CCDC172: variants seen among roughly 807,000 people sequenced by gnomAD.
CCDC172 encodes the protein coiled-coil domain-containing protein 172.
CCDC172 carries 30 observed loss-of-function variants against 38.0 expected under a neutral mutation model. The observed-to-expected ratio is 0.79, with a 90% CI of 0.59 to 1.07. The LOEUF is 1.07. Ranked by LOEUF, CCDC172 falls within the 50% of genes least tolerant of loss-of-function variation. The probability of loss-of-function intolerance (pLI) is 0.00; values close to 1 mark genes in which losing one functional copy is unlikely to be tolerated. For synonymous variants in CCDC172, 78 were observed against 88.3 expected, an observed-to-expected ratio of 0.88 and a Z score of 0.66; for missense variants, 297 against 290.1, an observed-to-expected ratio of 1.02 and a Z score of -0.17.
At chr10:116,347,775 C>T (rs1844885079) in intron 5 of CCDC172, among the ~76,000 whole-genome samples, 1 of 152,090 alleles carries the variant, frequency 6.6e-6, no homozygotes, top group Non-Finnish European at 1.5e-5. Flanking sequence ...ACAAAATTGT[C>T]ATTAGTTGAA....
chr10:116,337,760 T>C (rs1165218651), intron 3 of CCDC172, among the ~76,000 whole-genome samples: 1 of 152,194 alleles, frequency 6.6e-6, no homozygotes, highest in Non-Finnish European at 1.5e-5. Flanking sequence ...TCTTCCCAAC[T>C]CTGATCTCCA....
chr10:116,362,304 C>T (rs960980782), intron 7 of CCDC172, among the ~76,000 whole-genome samples: 11 of 152,194 alleles, frequency 7.2e-5, no homozygotes, highest in African/African-American at 2.4e-4. Flanking sequence ...CACTGGTCTG[C>T]AGTTTGCTTA....
At chr10:116,346,503 A>G (rs1337816006) in intron 5 of CCDC172, among the ~76,000 whole-genome samples, 1 of 152,092 alleles carries the variant, frequency 6.6e-6, no homozygotes, top group Non-Finnish European at 1.5e-5. Flanking sequence ...AAATGAATGA[A>G]CTGTGAAGGG....
rs74654779 is a variant in CCDC172 at position 116,340,434 on chromosome 10, C to T, written c.166-300C>T. Among the ~76,000 whole-genome samples, 494 of 151,724 alleles carry T rather than the reference C, an allele frequency of 3.3e-3. 1 individual carries two copies. Among genetic ancestry groups the T allele is most frequent in the African/African-American group, 0.012 (478 of 41,462 alleles). On this transcript the variant is annotated intron_variant, in intron 3 of 8. Transcript: ENST00000333254. ...GATTTCAATGTGTGTATTCAAAAAG[C>T]GTTAGTACCTAGCTAAGAATTCTTC...
At position 116,357,949 on chromosome 10, in the gene CCDC172, C is replaced by T; in HGVS notation, c.653+11C>T. The T allele has an allele frequency of 6.7e-7, 1 of 1,488,896 alleles. No homozygotes were observed. The highest frequency in any genetic ancestry group is 9.3e-7 in the Non-Finnish European group (1 of 1,079,154). The allele number at this position is 1,488,896 out of a possible 1,614,324, so 92.2% of individuals were successfully genotyped here. On this transcript the variant is annotated intron_variant, in intron 7 of 8. Coordinates refer to ENST00000333254, the MANE Select transcript of CCDC172 (RefSeq NM_198515.3). The stretch of plus-strand genomic sequence containing the variant: ...TACAGAATGCTTAAGGTAAGAGTTT[C>T]CTGTTATATTTTGGCCTAAATCAGG...
chr10:116,379,123 A>G (rs1465552221), intron 8 of CCDC172, among the ~76,000 whole-genome samples, 200 bp from the exon 9 acceptor site: 1 of 152,126 alleles, frequency 6.6e-6, no homozygotes, highest in African/African-American at 2.4e-5. Context: ...GATACATTGC[A>G]TGTTGTTACA....
chr10:116,378,588 A>C (rs1455825585), intron 8 of CCDC172, 78 bp downstream of exon 8: 1 of 1,096,946 alleles, frequency 9.1e-7, no homozygotes. Flanking sequence ...CTGGTGTACA[A>C]ATCACTGAAC....
Position 116,342,106 on chromosome 10 carries a change from A to T in CCDC172, c.353A>T (p.Asp118Val). ...AAGGAAATTACAGACTTTAATAATG[A>T]TTATGAAATAACAAAGAAAAGAGAG... is the stretch of plus-strand genomic sequence containing the variant. ...FIKEITDFNN[D>V]YEITKKRELL... Residue 118 changes from aspartate to valine, a missense_variant, in exon 5 of 9, where the codon GAT becomes GTT. Asp to Val is a radical substitution (Grantham distance 152). Coordinates refer to ENST00000333254, the MANE Select transcript of CCDC172 (RefSeq NM_198515.3). The T allele has an allele frequency of 6.4e-7, 1 of 1,551,042 alleles. No homozygotes were observed. Among genetic ancestry groups the T allele is most frequent in the Non-Finnish European group, 8.6e-7 (1 of 1,156,344 alleles).
rs114085931 is a variant in CCDC172, at chr10:116,367,379, A to T, written c.653+9441A>T. Among the ~76,000 whole-genome samples the T allele has an allele frequency of 8.3e-3, 1,268 of 152,252 alleles. 17 individuals carry two copies. Among genetic ancestry groups the T allele is most frequent in the African/African-American group, 0.029 (1,198 of 41,532 alleles). Reference sequence around the variant, plus strand: ...CACACTGTATCCCAAAAATATGTGCAACTATTATGTCATATTAACAAAATT... The same window carrying T: ...CACACTGTATCCCAAAAATATGTGCTACTATTATGTCATATTAACAAAATT... On this transcript the variant is annotated intron_variant, in intron 7 of 8. Coordinates refer to ENST00000333254, the MANE Select transcript of CCDC172 (RefSeq NM_198515.3).
At chr10:116,334,998 A>G (rs1844711404) in intron 3 of CCDC172, among the ~76,000 whole-genome samples, 1 of 151,900 alleles carries the variant, frequency 6.6e-6, no homozygotes, top group South Asian at 2.1e-4. Flanking sequence ...TTTTTATTAT[A>G]GATATTCTTT....
chr10:116,379,430 A>G lies in CCDC172; in HGVS notation c.*72A>G, dbSNP rs1053517168. The stretch of plus-strand genomic sequence containing the variant: ...AGAATCAAATCTTTGTGATAGATAT[A>G]TGAATGGTACCCGTTACAACGGATC... On this transcript the variant is annotated 3_prime_UTR_variant, in exon 9 of 9. Coordinates refer to ENST00000333254, the MANE Select transcript of CCDC172 (RefSeq NM_198515.3). 2 of 1,000,868 alleles carry G rather than the reference A, an allele frequency of 2.0e-6. No individual in the cohort carries two copies. The highest frequency in any genetic ancestry group is 4.6e-5 in the Admixed American group (2 of 43,934). The allele number at this position is 1,000,868 out of a possible 1,614,324, so 62.0% of individuals were successfully genotyped here.
intron 5 of CCDC172, among the ~76,000 whole-genome samples, chr10:116,352,433 C>T (rs1202771018): frequency 1.3e-5 from 2 of 151,944 alleles, no homozygotes; most frequent in Non-Finnish European, 2.9e-5. Context: ...ATAGATGATG[C>T]AATTAGAAGG....
At chr10:116,358,338 G>C (rs74970178) in intron 7 of CCDC172, among the ~76,000 whole-genome samples, 2,501 of 152,062 alleles carry the variant, frequency 0.016, 73 homozygotes, top group African/African-American at 0.058. Flanking sequence ...TTGTTACTCT[G>C]GTTTTGTTCT....
chr10:116,356,388 G>GGAAGGAAGGAAGGAAGGAAGGAAGGA (rs1844997277), intron 5 of CCDC172, among the ~76,000 whole-genome samples: 1 of 144,054 alleles, frequency 6.9e-6, no homozygotes, highest in African/African-American at 2.6e-5. Flanking sequence ...GGGAGGGAGG[G>GGAAGGAAGGAAGGAAGGAAGGAAGGA]AGGAAGGAAG....
intron 2 of CCDC172, 50 bp from the exon 3 acceptor site, chr10:116,325,252 AT>A (rs1380269249): frequency 3.8e-6 from 6 of 1,558,914 alleles, no homozygotes; most frequent in Non-Finnish European, 5.3e-6. Context: ...CGCCACCAAA[AT>A]GGGGACTTTA....
At chr10:116,342,262 T>C in intron 5 of CCDC172, 61 bp downstream of exon 5, 1 of 1,449,104 alleles carries the variant, frequency 6.9e-7, no homozygotes, top group Non-Finnish European at 9.1e-7. Flanking sequence ...TTTGAATGAA[T>C]GAATTTTCCA....
intron 8 of CCDC172, among the ~76,000 whole-genome samples, chr10:116,379,111 T>C (rs74423564): frequency 0.011 from 1,676 of 152,236 alleles, 10 homozygotes; most frequent in Non-Finnish European, 0.018. Context: ...TAGTTTTAAT[T>C]TGATACATTG....
At chr10:116,332,008 T>C (rs1844669218) in intron 3 of CCDC172, among the ~76,000 whole-genome samples, 1 of 152,196 alleles carries the variant, frequency 6.6e-6, no homozygotes, top group South Asian at 2.1e-4. Context: ...TTTTTATCCA[T>C]CTTTCGTAAC....
chr10:116,351,598 T>A (rs1195136110), intron 5 of CCDC172, among the ~76,000 whole-genome samples: 2 of 152,154 alleles, frequency 1.3e-5, no homozygotes, highest in African/African-American at 4.8e-5. Context: ...ATTTAAATAT[T>A]ATGTGGAGAA....
Sources: gnomAD v4.1 joint callset for allele counts (sites outside exome capture counted in the v4.1 genomes callset) on GRCh38, gnomAD v4.1.1 for gene constraint, MANE v1.5 for transcripts, NCBI Gene and HGNC (gene_info 2026-07-23, HGNC 2026-07-21) for gene names.